The following USP34 variants were observed in gnomAD, a reference collection of about 807,000 sequenced individuals.
USP34 encodes the protein ubiquitin specific peptidase 34, also known as ubiquitin carboxyl-terminal hydrolase 34.
Under a neutral mutation model 460.3 loss-of-function variants are expected in USP34, and 70 were observed. The ratio of observed to expected loss-of-function variants is 0.15; its 90% CI spans 0.13 to 0.19. The LOEUF (loss-of-function observed/expected upper bound fraction) is 0.19, where lower values mean the gene tolerates loss of function less well. Among genes scored for constraint, USP34 ranks in the 10% least tolerant of loss-of-function variants. The probability of loss-of-function intolerance (pLI) is 1.00; values close to 1 mark genes in which losing one functional copy is unlikely to be tolerated. For missense variants in USP34, 3,985 were observed against 4,236.2 expected, an observed-to-expected ratio of 0.94 and a Z score of 1.65; for synonymous variants, 1,647 against 1,405.3, an observed-to-expected ratio of 1.17 and a Z score of -3.85.
In USP34 at chr2:61,278,284, T is replaced by A; in HGVS notation, c.5314A>T (p.Arg1772Trp). ...CCATCCTGATGATCAAGGATCTCCC[T>A]ACTACAAAAAAGAAAAAAAATACAC... Reference protein sequence around the residue: ...ARHLADCIRSREILDHQDGNV... With the variant: ...ARHLADCIRSWEILDHQDGNV... Residue 1772 changes from arginine (R) to tryptophan (W), a missense_variant and splice_region_variant, in exon 41 of 80, where the codon AGG becomes TGG. Arg to Trp is a moderately radical substitution (Grantham distance 101). Around this residue, in one of 14 missense-constraint regions of USP34, gnomAD observed 1,114 missense variants for 1,122.5 expected, o/e 0.99. Transcript: ENST00000398571. The A allele has an allele frequency of 1.2e-6, 2 of 1,613,104 alleles. No individual in the cohort carries two copies. The highest frequency in any genetic ancestry group is 4.5e-5 in the East Asian group (2 of 44,864).
intron 2 of USP34, among the ~76,000 whole-genome samples, chr2:61,409,381 G>C (rs1376853484): frequency 6.6e-6 from 1 of 152,070 alleles, no homozygotes; most frequent in African/African-American, 2.4e-5. Flanking sequence ...GTCAGATTTG[G>C]ATGAAGAAAG....
At chr2:61,416,825 G>A in intron 2 of USP34, 1 of 390,412 alleles carries the variant, frequency 2.6e-6, no homozygotes, top group Admixed American at 4.4e-5. Context: ...TTTTTTTGGG[G>A]GGGGGGACAG....
intron 1 of USP34, among the ~76,000 whole-genome samples, chr2:61,442,459 A>G (rs765246127): frequency 6.6e-6 from 1 of 152,140 alleles, no homozygotes; most frequent in Non-Finnish European, 1.5e-5. Flanking sequence ...CAATGTGAAT[A>G]GACATTTCTC....
At chr2:61,298,779 TAAAA>T (rs201811039) in intron 29 of USP34, among the ~76,000 whole-genome samples, 1 of 146,652 alleles carries the variant, frequency 6.8e-6, no homozygotes, top group African/African-American at 2.5e-5. Flanking sequence ...AATGATGGAT[TAAAA>T]AAAAAAAATC....
chr2:61,418,957 C>G (rs1694278810), intron 2 of USP34, among the ~76,000 whole-genome samples: 1 of 152,174 alleles, frequency 6.6e-6, no homozygotes, highest in Non-Finnish European at 1.5e-5. Flanking sequence ...TTTTCCAAAA[C>G]AAATTTTAAC....
chr2:61,327,104 G>A (rs1050818330), intron 20 of USP34, among the ~76,000 whole-genome samples: 4 of 152,090 alleles, frequency 2.6e-5, no homozygotes, highest in South Asian at 2.1e-4. Flanking sequence ...TTAATTCAAT[G>A]TCCTGTAATC....
intron 29 of USP34, 106 bp downstream of exon 29, chr2:61,300,845 A>G: frequency 4.1e-6 from 3 of 733,450 alleles, no homozygotes; most frequent in Admixed American, 3.6e-5. Context: ...AGGAGAGAAA[A>G]TTATTATATA....
At chr2:61,454,285 T>C (rs1173650041) in intron 1 of USP34, among the ~76,000 whole-genome samples, 1 of 151,738 alleles carries the variant, frequency 6.6e-6, no homozygotes, top group Non-Finnish European at 1.5e-5. Flanking sequence ...GCCATCATGC[T>C]CAGCTAGGTT....
intron 57 of USP34, among the ~76,000 whole-genome samples, chr2:61,232,979 C>A (rs1391326812): frequency 6.8e-6 from 1 of 148,114 alleles, no homozygotes; most frequent in Non-Finnish European, 1.5e-5. Flanking sequence ...AAGTGATTCT[C>A]CTCCCGAGTA....
intron 27 of USP34, among the ~76,000 whole-genome samples, chr2:61,305,179 C>CCAGG (rs1490669889): frequency 1.3e-5 from 2 of 152,050 alleles, no homozygotes. Context: ...CAACAATTAG[C>CCAGG]CAGGCGTGGT....
intron 10 of USP34, among the ~76,000 whole-genome samples, chr2:61,352,851 G>A (rs958944715): frequency 6.6e-6 from 1 of 151,648 alleles, no homozygotes; most frequent in African/African-American, 2.4e-5. Context: ...GGACAAAGAC[G>A]ATGAAAACAA....
intron 16 of USP34, among the ~76,000 whole-genome samples, chr2:61,342,296 CTTTTTTTTTTT>C (rs34298126): frequency 2.1e-5 from 2 of 95,076 alleles, no homozygotes; most frequent in Non-Finnish European, 3.8e-5. Flanking sequence ...TGGCCGTTTC[CTTTTTTTTTTT>C]TTTTTTTTTT....
chr2:61,401,836 G>A (rs530249717), intron 3 of USP34, among the ~76,000 whole-genome samples: 1 of 151,020 alleles, frequency 6.6e-6, no homozygotes, highest in Non-Finnish European at 1.5e-5. Flanking sequence ...GGGATTACAG[G>A]CATGAGCCAC....
intron 2 of USP34, among the ~76,000 whole-genome samples, chr2:61,415,373 A>G (rs1001940215): frequency 1.3e-5 from 2 of 152,204 alleles, no homozygotes; most frequent in African/African-American, 4.8e-5. Flanking sequence ...ACCAAGAAAG[A>G]GAGAACATGC....
chr2:61,393,783 T>A (rs1693427650), intron 5 of USP34, among the ~76,000 whole-genome samples: 1 of 152,210 alleles, frequency 6.6e-6, no homozygotes, highest in Non-Finnish European at 1.5e-5. Flanking sequence ...ACCAATTTTT[T>A]AAATTATGAC....
At chr2:61,336,458 AAAG>A (rs1293889832) in intron 18 of USP34, among the ~76,000 whole-genome samples, 1 of 151,656 alleles carries the variant, frequency 6.6e-6, no homozygotes, top group Admixed American at 6.6e-5. Flanking sequence ...CCTACCTATA[AAAG>A]AAGTATGTAC....
chr2:61,250,779 T>TA (rs1326051745), intron 48 of USP34, among the ~76,000 whole-genome samples: 1 of 152,184 alleles, frequency 6.6e-6, no homozygotes, highest in Non-Finnish European at 1.5e-5. Flanking sequence ...AATCAAAGAA[T>TA]AGACACTAAA....
chr2:61,253,619 T>C (rs1688644547), intron 48 of USP34, among the ~76,000 whole-genome samples: 1 of 152,202 alleles, frequency 6.6e-6, no homozygotes, highest in Non-Finnish European at 1.5e-5. Context: ...AGTATCTTAT[T>C]GTATAATGAC....
intron 27 of USP34, among the ~76,000 whole-genome samples, chr2:61,311,201 A>C (rs1331533933): frequency 6.6e-6 from 1 of 152,202 alleles, no homozygotes; most frequent in Admixed American, 6.5e-5. Context: ...GAATGAATTA[A>C]TGCCATTATA....
Sources: allele counts gnomAD v4.1 joint callset (sites outside exome capture counted in the v4.1 genomes callset), GRCh38; gene constraint gnomAD v4.1.1; regional missense constraint gnomAD v4.1.1; transcripts MANE v1.5; gene names NCBI Gene and HGNC (gene_info 2026-07-23, HGNC 2026-07-21).